TENM3: variants seen among roughly 807,000 people sequenced by gnomAD.
The protein encoded by TENM3 is teneurin-3.
TENM3 carries 63 observed loss-of-function variants against 255.1 expected under a neutral mutation model. That is an observed-to-expected ratio of 0.25 (90% CI 0.20 to 0.30). The LOEUF (loss-of-function observed/expected upper bound fraction) is 0.30, where lower values mean the gene tolerates loss of function less well. Among genes scored for constraint, TENM3 ranks in the 10% least tolerant of loss-of-function variants. TENM3 has a pLI of 1.00. For missense variants in TENM3, 2,929 were observed against 3,461.1 expected (o/e 0.85, Z 3.86); for synonymous variants, 1,306 against 1,322.3 (o/e 0.99, Z 0.27).
At chr4:182,293,740 T>A (rs1004504810) in intron 1 of TENM3, among the ~76,000 whole-genome samples, 1 of 150,664 alleles carries the variant, frequency 6.6e-6, no homozygotes, top group Non-Finnish European at 1.5e-5. Context: ...CTCCTCCACA[T>A]GCTTTAAAGC....
intron 3 of TENM3, among the ~76,000 whole-genome samples, chr4:182,413,701 C>G (rs1194328052): frequency 6.6e-6 from 1 of 152,118 alleles, no homozygotes; most frequent in Non-Finnish European, 1.5e-5. Flanking sequence ...GAAGATTTTC[C>G]CCAAATGCTT....
chr4:182,229,541 C>A (rs1756411671), intron 1 of TENM3, among the ~76,000 whole-genome samples: 1 of 151,712 alleles, frequency 6.6e-6, no homozygotes, highest in Non-Finnish European at 1.5e-5. Context: ...TTTGATTTAC[C>A]AAGAGAGCAA....
At chr4:181,949,155 C>T in the TENM3 span, among the ~76,000 whole-genome samples, 2 of 152,076 alleles carry the variant, frequency 1.3e-5, no homozygotes, top group Non-Finnish European at 2.9e-5. Context: ...TGGCCATTAA[C>T]CCAAGCAGAA....
chr4:182,766,076 C>T (rs1763691743), intron 22 of TENM3, among the ~76,000 whole-genome samples: 1 of 152,148 alleles, frequency 6.6e-6, no homozygotes, highest in South Asian at 2.1e-4. Flanking sequence ...TACTAGAAGC[C>T]TGGCACAGCC....
the TENM3 span, among the ~76,000 whole-genome samples, chr4:181,977,741 A>C: frequency 1.3e-5 from 2 of 152,126 alleles, no homozygotes; most frequent in African/African-American, 4.8e-5. Flanking sequence ...TAAGAAGATA[A>C]AGGACTTTGC....
the TENM3 span, among the ~76,000 whole-genome samples, chr4:181,970,224 A>C: frequency 6.6e-6 from 1 of 152,230 alleles, no homozygotes; most frequent in Admixed American, 6.5e-5. Flanking sequence ...AGGGTTAAAA[A>C]TATGTAAATA....
chr4:182,764,161 A>G (rs915890214), intron 22 of TENM3, among the ~76,000 whole-genome samples: 3 of 152,254 alleles, frequency 2.0e-5, no homozygotes, highest in Non-Finnish European at 4.4e-5. Context: ...AGATTGACAA[A>G]TTATTAAATT....
chr4:181,524,554 T>C, the TENM3 span, among the ~76,000 whole-genome samples: 2 of 152,198 alleles, frequency 1.3e-5, no homozygotes, highest in Admixed American at 1.3e-4. Context: ...CCAGAAGTTA[T>C]TCTTATCTGT....
intron 3 of TENM3, among the ~76,000 whole-genome samples, chr4:182,543,485 T>C (rs1171325482): frequency 1.3e-5 from 2 of 152,202 alleles, no homozygotes; most frequent in Admixed American, 6.5e-5. Context: ...AGTGAAGTAA[T>C]ATAATAAGAA....
the TENM3 span, among the ~76,000 whole-genome samples, chr4:181,675,021 A>G: frequency 1.3e-5 from 2 of 152,138 alleles, no homozygotes; most frequent in African/African-American, 4.8e-5. Flanking sequence ...AGTAAAATCT[A>G]CTTGACAATA....
chr4:181,810,760 C>G, the TENM3 span, among the ~76,000 whole-genome samples: 2 of 151,992 alleles, frequency 1.3e-5, no homozygotes, highest in African/African-American at 4.8e-5. Flanking sequence ...ACGTTACTTC[C>G]TCAAGTCAGA....
chr4:182,119,115 G>T, the TENM3 span, among the ~76,000 whole-genome samples: 6 of 152,108 alleles, frequency 3.9e-5, no homozygotes, highest in Admixed American at 3.9e-4. Flanking sequence ...GGGAGAGAAT[G>T]GCTGGAAGGG....
the TENM3 span, among the ~76,000 whole-genome samples, chr4:181,966,903 G>C: frequency 6.6e-6 from 1 of 151,994 alleles, no homozygotes; most frequent in African/African-American, 2.4e-5. Context: ...CACAGCTAGC[G>C]TTCTCTAGCC....
At chr4:181,715,799 C>T in the TENM3 span, among the ~76,000 whole-genome samples, 1 of 152,166 alleles carries the variant, frequency 6.6e-6, no homozygotes, top group Non-Finnish European at 1.5e-5. Context: ...ATGGCGCTGG[C>T]TTGGCAAATG....
the TENM3 span, among the ~76,000 whole-genome samples, chr4:181,532,776 T>C: frequency 6.6e-6 from 1 of 152,172 alleles, no homozygotes; most frequent in Admixed American, 6.5e-5. Context: ...CATAAATGGC[T>C]ATATAGTTTT....
chr4:181,681,046 G>A, the TENM3 span, among the ~76,000 whole-genome samples: 3 of 152,006 alleles, frequency 2.0e-5, no homozygotes, highest in South Asian at 2.1e-4. Flanking sequence ...TATACTACAC[G>A]TTATATTTAT....
the TENM3 span, among the ~76,000 whole-genome samples, chr4:181,915,831 C>T: frequency 4.2e-4 from 64 of 152,076 alleles, no homozygotes; most frequent in Middle Eastern, 3.4e-3. Context: ...TTAAACACCA[C>T]GAGTAACGTG....
intron 3 of TENM3, among the ~76,000 whole-genome samples, chr4:182,471,789 C>A (rs2151456300): frequency 6.6e-6 from 1 of 152,190 alleles, no homozygotes; most frequent in African/African-American, 2.4e-5. Flanking sequence ...CTTAGGATAG[C>A]ACAGTACATC....
At chr4:181,600,617 G>C in the TENM3 span, among the ~76,000 whole-genome samples, 2 of 151,110 alleles carry the variant, frequency 1.3e-5, no homozygotes, top group African/African-American at 4.9e-5. Flanking sequence ...ATTTCCTGGG[G>C]ACTCTGATTG....
Sources: gnomAD v4.1 joint callset for allele counts (sites outside exome capture counted in the v4.1 genomes callset) on GRCh38, gnomAD v4.1.1 for gene constraint, MANE v1.5 for transcripts, NCBI Gene and HGNC (gene_info 2026-07-23, HGNC 2026-07-21) for gene names.